The following TRANK1 variants were observed in gnomAD, a reference collection of about 807,000 sequenced individuals.
TRANK1 encodes TPR and ankyrin repeat-containing protein 1.
In TRANK1, 198 loss-of-function variants were observed where a neutral mutation model predicts 266.0. That is an observed-to-expected ratio of 0.74 (90% CI 0.66 to 0.84). The LOEUF (loss-of-function observed/expected upper bound fraction) is 0.84, where lower values mean the gene tolerates loss of function less well. Ranked by LOEUF, TRANK1 falls within the 40% of genes least tolerant of loss-of-function variation. The pLI, the probability that TRANK1 is intolerant of heterozygous loss-of-function variation, is 0.00. For missense variants in TRANK1, 3,326 were observed against 3,634.6 expected (o/e 0.92, Z 2.18); for synonymous variants, 1,396 against 1,384.1 (o/e 1.01, Z -0.19).
At chr3:36,916,329 G>A (rs1223294120) in intron 1 of TRANK1, among the ~76,000 whole-genome samples, 4 of 152,180 alleles carry the variant, frequency 2.6e-5, no homozygotes, top group Non-Finnish European at 5.9e-5. Flanking sequence ...ACTTTGGGAG[G>A]CCAAGGCGGG....
rs778165127 is a variant in TRANK1 at position 36,857,189 on chromosome 3, T to C, written c.2533A>G (p.Lys845Glu). ...EIECTSEMLK[K>E]LSSKVMTKVI... The stretch of plus-strand genomic sequence containing the variant: ...TTGGTCATTACCTTACTAGACAGCT[T>C]CTTCAGCATTTCTGAAGTGCACTCG... Residue 845 changes from lysine (K) to glutamate (E), a missense_variant, in exon 13 of 24, where the codon AAG becomes GAG. Coordinates refer to ENST00000645898, the MANE Select transcript of TRANK1 (RefSeq NM_001329998.2). The surrounding 1 kb of genome is among the most constrained non-coding windows in gnomAD (Gnocchi z 4.3). 7.4e-6 allele frequency: 12 copies of C among 1,613,858 alleles called. No homozygotes were observed. The highest frequency in any genetic ancestry group is 9.3e-6 in the Non-Finnish European group (11 of 1,179,906).
intron 13 of TRANK1, among the ~76,000 whole-genome samples, chr3:36,854,427 C>G (rs962184448): frequency 1.3e-5 from 2 of 151,876 alleles, no homozygotes; most frequent in African/African-American, 4.8e-5. Flanking sequence ...TACCCAGTTA[C>G]AGAAAGATAT....
At chr3:36,944,115 C>A (rs901239726) in intron 1 of TRANK1, among the ~76,000 whole-genome samples, 1 of 152,144 alleles carries the variant, frequency 6.6e-6, no homozygotes, top group Non-Finnish European at 1.5e-5. Context: ...ACTCCGAGCT[C>A]CGGTTCGGAA....
upstream of TRANK1, chr3:36,945,159 C>G (rs985513248): frequency 1.0e-5 from 3 of 294,696 alleles, no homozygotes; most frequent in Non-Finnish European, 1.9e-5. Flanking sequence ...TTCGGTGTCT[C>G]CCGTCATGCA....
chr3:36,852,467 G>T, intron 13 of TRANK1, 122 bp from the exon 14 acceptor site: 1 of 894,612 alleles, frequency 1.1e-6, no homozygotes, highest in Non-Finnish European at 1.6e-6. Context: ...ATGTATAATT[G>T]CAAGCCCGTT....
intron 18 of TRANK1, among the ~76,000 whole-genome samples, chr3:36,840,918 G>C (rs1051479948): frequency 6.6e-6 from 1 of 152,224 alleles, no homozygotes; most frequent in Non-Finnish European, 1.5e-5. Context: ...TATGTTTCAG[G>C]ATTGTTATGC....
chr3:36,854,288 A>G (rs966661594), intron 13 of TRANK1, among the ~76,000 whole-genome samples: 4 of 152,006 alleles, frequency 2.6e-5, no homozygotes, highest in African/African-American at 9.7e-5. Context: ...TGAACCCAGG[A>G]GGTGGAGGTT....
At chr3:36,861,946 C>T (rs1015399265) in intron 10 of TRANK1, among the ~76,000 whole-genome samples, 1 of 152,034 alleles carries the variant, frequency 6.6e-6, no homozygotes, top group Admixed American at 6.5e-5. Flanking sequence ...ACCTCGTGAT[C>T]TGCCCACCTC....
At chr3:36,913,342 G>T (rs2125637790) in intron 1 of TRANK1, among the ~76,000 whole-genome samples, 1 of 152,080 alleles carries the variant, frequency 6.6e-6, no homozygotes, top group South Asian at 2.1e-4. Context: ...GAGCCACCAT[G>T]ACCGTCCTTT....
chr3:36,833,542 C>T lies in TRANK1; in HGVS notation c.6041G>A (p.Arg2014Lys). Residue 2014 changes from arginine (R) to lysine (K), a missense_variant, in exon 22 of 24, where the codon AGA (arginine) becomes AAA (lysine). Transcript: ENST00000645898. ...SDIEHTKDIL[R>K]EALDICYQTG... Reference sequence around the variant, plus strand: ...TTGATAGCAGATATCAAGTGCTTCTCTCAGAATGTCCTTGGTGTGTTCTAT... The same window carrying T: ...TTGATAGCAGATATCAAGTGCTTCTTTCAGAATGTCCTTGGTGTGTTCTAT... 1 of 1,613,942 alleles carries T rather than the reference C, an allele frequency of 6.2e-7. No homozygotes were observed.
At chr3:36,859,448 T>C (rs552157555) in intron 11 of TRANK1, among the ~76,000 whole-genome samples, 18 of 152,210 alleles carry the variant, frequency 1.2e-4, no homozygotes, top group African/African-American at 4.1e-4. Flanking sequence ...GGCCCTGGTG[T>C]GTGACGTGCC....
intron 10 of TRANK1, among the ~76,000 whole-genome samples, chr3:36,863,855 C>T (rs978717537): frequency 2.0e-5 from 3 of 152,126 alleles, no homozygotes; most frequent in African/African-American, 4.8e-5. Context: ...ATGAAGTGTC[C>T]ATTTTAAAAA....
chr3:36,945,545 C>G (rs972704390), upstream of TRANK1, among the ~76,000 whole-genome samples: 2 of 152,212 alleles, frequency 1.3e-5, no homozygotes, highest in African/African-American at 4.8e-5. Context: ...TCCACGCTCA[C>G]CGTCGTGTCC....
chr3:36,884,309 T>G (rs1368892534), intron 8 of TRANK1, among the ~76,000 whole-genome samples: 10 of 152,178 alleles, frequency 6.6e-5, no homozygotes, highest in Admixed American at 5.2e-4. Context: ...TAGTACCAGA[T>G]CTTGTTTCCT....
At position 36,832,863 on chromosome 3, in the gene TRANK1, T is replaced by C; in HGVS notation, c.6720A>G (p.Lys2240=). The part of the protein sequence containing the change: ...AINGLLLEAK[K]VFPKILAEEL... ...CTTCTGCTAAGATTTTAGGGAATAC[T>C]TTTTTGGCTTCCAAAAGCAACCCGT... is the stretch of plus-strand genomic sequence containing the variant. The change falls in exon 22 of 24, where the codon AAA becomes AAG. Residue 2240 remains lysine (K), a synonymous_variant. Transcript: ENST00000645898. 1 of 1,613,898 alleles carries C rather than the reference T, an allele frequency of 6.2e-7. No individual in the cohort carries two copies. Among genetic ancestry groups the C allele is most frequent in the South Asian group, 1.1e-5 (1 of 91,080 alleles).
chr3:36,940,129 C>T (rs1261063369), intron 1 of TRANK1, among the ~76,000 whole-genome samples: 1 of 151,702 alleles, frequency 6.6e-6, no homozygotes, highest in Non-Finnish European at 1.5e-5. Flanking sequence ...AGGTGATCTA[C>T]CCGCCTCAGC....
chr3:36,842,399 C>A (rs1446548863), intron 18 of TRANK1, among the ~76,000 whole-genome samples: 3 of 152,242 alleles, frequency 2.0e-5, no homozygotes, highest in African/African-American at 7.2e-5. Context: ...TCAGCACATG[C>A]TGGCACTTGG....
At chr3:36,927,384 C>G (rs2080303078) in intron 1 of TRANK1, among the ~76,000 whole-genome samples, 1 of 152,202 alleles carries the variant, frequency 6.6e-6, no homozygotes, top group Non-Finnish European at 1.5e-5. Flanking sequence ...AGTTGTAAGT[C>G]TGCCTTTCTT....
chr3:36,944,481 G>A (rs960097761), intron 1 of TRANK1, among the ~76,000 whole-genome samples: 1 of 152,238 alleles, frequency 6.6e-6, no homozygotes, highest in Non-Finnish European at 1.5e-5. Context: ...GCGGAGGTGG[G>A]CCCGAGAGCT....
Sources: gnomAD v4.1 joint callset for allele counts (sites outside exome capture counted in the v4.1 genomes callset) on GRCh38, gnomAD v4.1.1 for gene constraint, Gnocchi (gnomAD v3.1) non-coding constraint, MANE v1.5 for transcripts, NCBI Gene and HGNC (gene_info 2026-07-23, HGNC 2026-07-21) for gene names.